Variants in VPS54 observed in about 807,000 individuals in gnomAD.
The protein encoded by VPS54 is VPS54 subunit of GARP complex.
Under a neutral mutation model 121.5 loss-of-function variants are expected in VPS54, and 45 were observed. The ratio of observed to expected loss-of-function variants is 0.37; its 90% CI spans 0.29 to 0.47. The LOEUF is 0.47. Ranked by LOEUF, VPS54 falls within the 20% of genes least tolerant of loss-of-function variation. VPS54 has a pLI of 0.99. For missense variants in VPS54, 1,090 were observed against 1,131.4 expected (o/e 0.96, Z 0.52); for synonymous variants, 371 against 385.8 (o/e 0.96, Z 0.45).
intron 12 of VPS54, among the ~76,000 whole-genome samples, chr2:63,928,787 T>A (rs909624265): frequency 1.5e-5 from 2 of 134,408 alleles, no homozygotes; most frequent in Non-Finnish European, 3.1e-5. Context: ...AAGACACACA[T>A]AGGCTCAAAA....
At chr2:63,920,027 CTT>C in intron 14 of VPS54, 32 bp from the exon 15 acceptor site, 2 of 1,551,542 alleles carry the variant, frequency 1.3e-6, no homozygotes, top group Non-Finnish European at 1.8e-6. Context: ...AGAAGGTAAA[CTT>C]TAACATTTCA....
intron 22 of VPS54, among the ~76,000 whole-genome samples, chr2:63,895,038 TA>T (rs1217416657): frequency 6.6e-6 from 1 of 152,146 alleles, no homozygotes; most frequent in Non-Finnish European, 1.5e-5. Context: ...ATACAATAAA[TA>T]TTTTTTTCAA....
chr2:63,997,753 C>A, intron 1 of VPS54, among the ~76,000 whole-genome samples: 1 of 151,638 alleles, frequency 6.6e-6, no homozygotes, highest in East Asian at 1.9e-4. Flanking sequence ...GTTTGGCTTG[C>A]TCTTGCTTTT....
At chr2:63,913,607 A>C (rs1208306494) in intron 17 of VPS54, among the ~76,000 whole-genome samples, 6 of 152,180 alleles carry the variant, frequency 3.9e-5, no homozygotes, top group African/African-American at 1.2e-4. Flanking sequence ...TCTTGTTGGG[A>C]AGTCCTATTT....
intron 7 of VPS54, among the ~76,000 whole-genome samples, chr2:63,957,561 G>GACT (rs1675561268): frequency 6.6e-6 from 1 of 151,082 alleles, no homozygotes; most frequent in Non-Finnish European, 1.5e-5. Flanking sequence ...ATGTACAAAA[G>GACT]AATAATAATA....
chr2:63,974,933 G>A, intron 3 of VPS54: 1 of 1,502,588 alleles, frequency 6.7e-7, no homozygotes, highest in Non-Finnish European at 8.9e-7. Flanking sequence ...TATTACATTA[G>A]TTAGGACTTC....
At chr2:63,957,258 C>G (rs753050016) in intron 7 of VPS54, among the ~76,000 whole-genome samples, 12 of 151,712 alleles carry the variant, frequency 7.9e-5, no homozygotes, top group African/African-American at 2.9e-4. Flanking sequence ...CTGGCTAACA[C>G]GGTGAAACCC....
At chr2:63,972,297 A>T in intron 3 of VPS54, 53 bp from the exon 4 acceptor site, 1 of 1,359,512 alleles carries the variant, frequency 7.4e-7, no homozygotes, top group Non-Finnish European at 1.0e-6. Context: ...TGAGTATTCA[A>T]AGCATGAAAG....
At chr2:63,970,298 T>C (rs1186345067) in intron 4 of VPS54, among the ~76,000 whole-genome samples, 1 of 146,136 alleles carries the variant, frequency 6.8e-6, no homozygotes, top group Non-Finnish European at 1.5e-5. Flanking sequence ...TATATAGATA[T>C]ATATAGATAT....
At chr2:63,974,234 T>TA (rs1205743996) in intron 3 of VPS54, among the ~76,000 whole-genome samples, 1 of 152,224 alleles carries the variant, frequency 6.6e-6, no homozygotes, top group Non-Finnish European at 1.5e-5. Context: ...GAATTACCTT[T>TA]GCCCCTTTGT....
At chr2:63,990,093 C>T (rs1677242925) in intron 1 of VPS54, among the ~76,000 whole-genome samples, 2 of 152,158 alleles carry the variant, frequency 1.3e-5, no homozygotes, top group Non-Finnish European at 1.5e-5. Flanking sequence ...ATACCAATCC[C>T]GTGACCCCCT....
chr2:63,941,907 G>A (rs1309265351), intron 11 of VPS54, among the ~76,000 whole-genome samples: 1 of 151,396 alleles, frequency 6.6e-6, no homozygotes, highest in Non-Finnish European at 1.5e-5. Context: ...GGTGGCACAC[G>A]CCTATAATCC....
chr2:64,013,655 TATATTG>T (rs1678545938), intron 1 of VPS54, among the ~76,000 whole-genome samples: 1 of 146,256 alleles, frequency 6.8e-6, no homozygotes. Context: ...TATATAGATA[TATATTG>T]ATATATATAT....
intron 20 of VPS54, 63 bp from the exon 21 acceptor site, chr2:63,899,644 T>G: frequency 7.7e-7 from 1 of 1,305,362 alleles, no homozygotes; most frequent in Non-Finnish European, 1.1e-6. Flanking sequence ...GTCTCCACCA[T>G]TCCCTGAGAC....
intron 1 of VPS54, among the ~76,000 whole-genome samples, chr2:64,006,589 T>C (rs1424409297): frequency 6.6e-6 from 1 of 152,190 alleles, no homozygotes; most frequent in East Asian, 1.9e-4. Context: ...TGGTACATAG[T>C]AGACATTCAA....
Position 63,900,811 on chromosome 2 carries a change from G to A in VPS54, c.2626-1230C>T, listed in dbSNP as rs557379044. 2.0e-5 allele frequency among the ~76,000 whole-genome samples: 3 copies of A among 152,084 alleles called. No homozygotes were observed. The East Asian group carries it at 5.8e-4, about 29-fold the overall frequency. ...CAGAGTCTCACTCTGATGACAAGCT[G>A]GAGTGCAGTGGTGCAATCTCAGCTC... On this transcript the variant is annotated intron_variant, in intron 20 of 22. Coordinates refer to ENST00000272322, the MANE Select transcript of VPS54 (RefSeq NM_016516.3).
chr2:63,940,252 G>A (rs1023180934), intron 11 of VPS54, among the ~76,000 whole-genome samples: 2 of 152,026 alleles, frequency 1.3e-5, no homozygotes, highest in South Asian at 4.2e-4. Flanking sequence ...TGAACAGCTT[G>A]TAATTAACAT....
At chr2:64,000,387 C>G (rs56674285) in intron 1 of VPS54, among the ~76,000 whole-genome samples, 11,070 of 152,200 alleles carry the variant, frequency 0.073, 843 homozygotes, top group African/African-American at 0.2. Context: ...CAGAATTAGT[C>G]CCTGGTGCCT....
chr2:64,008,687 G>A lies in VPS54; in HGVS notation c.-21+10251C>T, dbSNP rs577650001. 1.7e-3 allele frequency among the ~76,000 whole-genome samples: 263 copies of A among 152,240 alleles called. 1 individual carries two copies. The highest frequency in any genetic ancestry group is 3.4e-3 in the Middle Eastern group (1 of 294). On this transcript the variant is annotated intron_variant, in intron 1 of 22. Transcript: ENST00000272322. ...CAATGTGTGAGTGGGAGGAGGAGTG[G>A]AAATCAGCTGGGACTGCAGGCTCTG...
Sources: gnomAD v4.1 joint callset for allele counts (sites outside exome capture counted in the v4.1 genomes callset) on GRCh38, gnomAD v4.1.1 for gene constraint, MANE v1.5 for transcripts, NCBI Gene and HGNC (gene_info 2026-07-23, HGNC 2026-07-21) for gene names.